The following IQCJ variants were observed in gnomAD, a reference collection of about 807,000 sequenced individuals.
IQCJ encodes IQ domain-containing protein J.
A neutral mutation model predicts 11.0 loss-of-function variants in IQCJ; 9 were observed. The ratio of observed to expected loss-of-function variants is 0.82; its 90% confidence interval spans 0.49 to 1.43. IQCJ has a LOEUF of 1.43. IQCJ is among the 40% of genes most tolerant of loss of function. The pLI is 0.00. For missense variants in IQCJ, 146 were observed against 133.2 expected, an observed-to-expected ratio of 1.10 and a Z score of -0.47; for synonymous variants, 55 against 51.3, an observed-to-expected ratio of 1.07 and a Z score of -0.31.
intron 1 of IQCJ, among the ~76,000 whole-genome samples, chr3:159,195,252 T>C (rs1479825929): frequency 6.6e-6 from 1 of 152,208 alleles, no homozygotes; most frequent in African/African-American, 2.4e-5. Context: ...TATGTATTGC[T>C]AGGTCCTGTG....
chr3:159,233,094 T>G (rs1350781881), intron 1 of IQCJ, among the ~76,000 whole-genome samples: 1 of 152,228 alleles, frequency 6.6e-6, no homozygotes, highest in African/African-American at 2.4e-5. Flanking sequence ...TTTAAAAGAC[T>G]CTCTTATCGA....
chr3:159,260,183 C>T (rs927269130), intron 3 of IQCJ, among the ~76,000 whole-genome samples: 3 of 152,140 alleles, frequency 2.0e-5, no homozygotes, highest in Non-Finnish European at 4.4e-5. Flanking sequence ...TGTTTAAGTG[C>T]AAATTCCTTT....
intron 1 of IQCJ, among the ~76,000 whole-genome samples, chr3:159,130,256 T>G (rs1193170131): frequency 6.6e-6 from 1 of 152,180 alleles, no homozygotes; most frequent in Non-Finnish European, 1.5e-5. Flanking sequence ...TCTAATGTCA[T>G]CTTGAGTCTA....
intron 1 of IQCJ, among the ~76,000 whole-genome samples, chr3:159,105,476 G>A (rs1718197511): frequency 6.6e-6 from 1 of 152,128 alleles, no homozygotes; most frequent in Non-Finnish European, 1.5e-5. Flanking sequence ...GGGGTAACCA[G>A]CAAAATCTCT....
intron 3 of IQCJ, among the ~76,000 whole-genome samples, chr3:159,253,387 A>G (rs933179927): frequency 6.6e-6 from 1 of 152,214 alleles, no homozygotes; most frequent in Non-Finnish European, 1.5e-5. Flanking sequence ...AATGAAACTA[A>G]CAAGATCCAA....
intron 3 of IQCJ, among the ~76,000 whole-genome samples, chr3:159,253,608 CAA>C (rs1356363185): frequency 5.2e-5 from 4 of 77,534 alleles, no homozygotes; most frequent in East Asian, 5.0e-4. Flanking sequence ...CTCTCCCTCA[CAA>C]ACACACACAC....
At chr3:159,238,654 T>C (rs1180229197) in intron 1 of IQCJ, among the ~76,000 whole-genome samples, 4 of 151,984 alleles carry the variant, frequency 2.6e-5, no homozygotes, top group African/African-American at 9.7e-5. Context: ...GGAAGGAGGG[T>C]GGGGTACCCA....
Position 159,242,070 on chromosome 3 carries a change from C to T in IQCJ, c.10-3773C>T, listed in dbSNP as rs559884755. Among the ~76,000 whole-genome samples, 48 of 152,146 alleles carry T rather than the reference C, an allele frequency of 3.2e-4. No homozygotes were observed. The South Asian group carries it at 6.4e-3, about 20-fold the overall frequency. ...TTAATGTTCTGTGTACAAGGAACAG[C>T]GAAGATAAATGATCTAAAAGGGAGC... is the stretch of plus-strand genomic sequence containing the variant. On this transcript the variant is annotated intron_variant, in intron 1 of 3. Transcript: ENST00000397832.
At chr3:159,074,076 G>A (rs558980402) in intron 1 of IQCJ, among the ~76,000 whole-genome samples, 2 of 152,190 alleles carry the variant, frequency 1.3e-5, no homozygotes, top group African/African-American at 4.8e-5. Flanking sequence ...ACCTGCAAAA[G>A]TAAATTGGAG....
At chr3:159,204,506 T>G (rs1382897772) in intron 1 of IQCJ, among the ~76,000 whole-genome samples, 1 of 152,266 alleles carries the variant, frequency 6.6e-6, no homozygotes, top group South Asian at 2.1e-4. Context: ...GTGTCTGGCT[T>G]CCCCCAGAGC....
intron 1 of IQCJ, among the ~76,000 whole-genome samples, chr3:159,236,651 C>T (rs936434381): frequency 1.3e-5 from 2 of 152,110 alleles, no homozygotes; most frequent in Admixed American, 6.6e-5. Context: ...CACTGAGGTC[C>T]GAGGGCAAAG....
At chr3:159,105,303 G>A (rs180732036) in intron 1 of IQCJ, among the ~76,000 whole-genome samples, 2 of 152,306 alleles carry the variant, frequency 1.3e-5, no homozygotes, top group East Asian at 1.9e-4. Flanking sequence ...TCTCATGGAT[G>A]AATTTGTTAC....
At chr3:159,160,361 G>A (rs1356940123) in intron 1 of IQCJ, among the ~76,000 whole-genome samples, 2 of 151,934 alleles carry the variant, frequency 1.3e-5, no homozygotes, top group Admixed American at 6.6e-5. Flanking sequence ...GGAGTGCAGT[G>A]GTGTGATCTC....
intron 1 of IQCJ, among the ~76,000 whole-genome samples, chr3:159,128,638 C>T (rs1338702074): frequency 6.6e-6 from 1 of 152,114 alleles, no homozygotes; most frequent in African/African-American, 2.4e-5. Context: ...CTCTGTCAGC[C>T]TCTCTCATCT....
chr3:159,154,151 G>A (rs560498845), intron 1 of IQCJ, among the ~76,000 whole-genome samples: 1 of 152,246 alleles, frequency 6.6e-6, no homozygotes, highest in East Asian at 1.9e-4. Flanking sequence ...TTTTATGTGG[G>A]CAAAACAATT....
intron 1 of IQCJ, among the ~76,000 whole-genome samples, chr3:159,194,315 C>T (rs1006008731): frequency 1.3e-5 from 2 of 152,158 alleles, no homozygotes; most frequent in Non-Finnish European, 1.5e-5. Context: ...GTCTATCTTG[C>T]CCTGGAGACA....
In IQCJ at chr3:159,262,860, A is replaced by G. The variant is rs990752428; in HGVS notation, c.*129A>G. 2.1e-6 allele frequency: 3 copies of G among 1,423,020 alleles called. No homozygotes were observed. Among genetic ancestry groups the G allele is most frequent in the Non-Finnish European group, 2.8e-6 (3 of 1,084,076 alleles). 88.1% of individuals were successfully genotyped at this position (1,423,020 alleles called of 1,614,324 possible). A position where few individuals can be genotyped will look rare whatever the true frequency, so the allele number is the denominator to read the frequency against. ...AGAGTTTTGTCACCTCAAAATAAAG[A>G]CACAATTCATAAGCACAAAGTGAAC... On this transcript the variant is annotated 3_prime_UTR_variant, in exon 4 of 4. Transcript: ENST00000397832.
rs991433249 is a variant in IQCJ at position 159,122,617 on chromosome 3, C to T, written c.9+53176C>T. 2.0e-5 allele frequency among the ~76,000 whole-genome samples: 3 copies of T among 152,152 alleles called. No homozygotes were observed. In the East Asian group the frequency reaches 5.8e-4, roughly 29 times the overall value. ...TTTCCTTTTCTTCACTTTTAACTAT[C>T]TTCTGTTGTATATGATTTTTATCTT... is the stretch of plus-strand genomic sequence containing the variant. On this transcript the variant is annotated intron_variant, in intron 1 of 3. Coordinates refer to ENST00000397832, the MANE Select transcript of IQCJ (RefSeq NM_001042706.3).
intron 1 of IQCJ, chr3:159,069,846 T>C: frequency 1.5e-5 from 1 of 64,744 alleles, no homozygotes; most frequent in Non-Finnish European, 2.7e-5. Context: ...TCCTTTCTTG[T>C]GTGTGTGTGT....
Sources: allele counts gnomAD v4.1 joint callset (sites outside exome capture counted in the v4.1 genomes callset), GRCh38; gene constraint gnomAD v4.1.1; transcripts MANE v1.5; gene names NCBI Gene and HGNC (gene_info 2026-07-23, HGNC 2026-07-21).